The following MARCHF1 variants were observed in gnomAD, a reference collection of about 807,000 sequenced individuals.
MARCHF1 encodes E3 ubiquitin-protein ligase MARCHF1.
In MARCHF1, 40 loss-of-function variants were observed where a neutral mutation model predicts 54.2. That is an observed-to-expected ratio of 0.74 (90% CI 0.57 to 0.96). MARCHF1 has a LOEUF of 0.96. MARCHF1 is among the 40% of genes least tolerant of loss of function. The pLI is 0.00. For synonymous variants in MARCHF1, 236 were observed against 236.3 expected, an observed-to-expected ratio of 1.00 and a Z score of 0.01; for missense variants, 586 against 656.5, an observed-to-expected ratio of 0.89 and a Z score of 1.17.
chr4:164,378,505 G>C (rs993914163), intron 1 of MARCHF1, among the ~76,000 whole-genome samples: 5 of 152,220 alleles, frequency 3.3e-5, no homozygotes, highest in Admixed American at 2.6e-4. Context: ...TTGAGGGCCT[G>C]TGAATGCACC....
chr4:163,925,874 T>TA (rs1015659219), intron 3 of MARCHF1, among the ~76,000 whole-genome samples: 1 of 151,610 alleles, frequency 6.6e-6, no homozygotes, highest in Non-Finnish European at 1.5e-5. Flanking sequence ...AATTCTGGTA[T>TA]AAAAAATGAA....
Position 164,248,132 on chromosome 4 carries a change from G to T in MARCHF1, c.-323+135738C>A, listed in dbSNP as rs549488643. On this transcript the variant is annotated intron_variant, in intron 1 of 9. Coordinates refer to ENST00000514618, the MANE Select transcript of MARCHF1 (RefSeq NM_001394959.1). Reference sequence around the variant, plus strand: ...AATTAGGACCTATATTATACCTGAAGTACTCCTCCATGTATCAAATTGCAA... The same window carrying T: ...AATTAGGACCTATATTATACCTGAATTACTCCTCCATGTATCAAATTGCAA... Among the ~76,000 whole-genome samples, 6 of 151,910 alleles carry T rather than the reference G, an allele frequency of 3.9e-5. No individual in the cohort carries two copies. The South Asian group carries it at 1.2e-3, about 32-fold the overall frequency.
In MARCHF1 at chr4:164,159,231, T is replaced by C. The variant is rs148442295; in HGVS notation, c.-322-47569A>G. Among the ~76,000 whole-genome samples the C allele has an allele frequency of 1.4e-4, 22 of 152,292 alleles. No homozygotes were observed. The East Asian group carries it at 3.3e-3, about 23-fold the overall frequency. ...ATGCTAAAACGTGCTAACTTGAAAC[T>C]GTTGGGCATATACATTCATACAAAT... On this transcript the variant is annotated intron_variant, in intron 1 of 9. Coordinates refer to ENST00000514618, the MANE Select transcript of MARCHF1 (RefSeq NM_001394959.1).
At chr4:164,007,040 CA>C (rs1233508320) in intron 2 of MARCHF1, among the ~76,000 whole-genome samples, 1 of 59,952 alleles carries the variant, frequency 1.7e-5, no homozygotes, top group African/African-American at 6.0e-5. Flanking sequence ...AAAGAACATG[CA>C]AAAAGAAAAC....
At chr4:163,888,435 T>C (rs1457374162) in intron 3 of MARCHF1, among the ~76,000 whole-genome samples, 1 of 152,194 alleles carries the variant, frequency 6.6e-6, no homozygotes, top group African/African-American at 2.4e-5. Context: ...GAAGAAAATA[T>C]AATTTCAACA....
chr4:163,913,280 T>C (rs1162915151), intron 3 of MARCHF1, among the ~76,000 whole-genome samples: 1 of 152,178 alleles, frequency 6.6e-6, no homozygotes, highest in Non-Finnish European at 1.5e-5. Flanking sequence ...TCAAATTCTC[T>C]ATTTTTGGTG....
chr4:164,362,794 C>A lies in MARCHF1; in HGVS notation c.-323+21076G>T, dbSNP rs536775375. ...CTAGAAACTCATTTACAAATAGTAT[C>A]ATCTATAAATAGATGTTCCTCTGTT... On this transcript the variant is annotated intron_variant, in intron 1 of 9. Coordinates refer to ENST00000514618, the MANE Select transcript of MARCHF1 (RefSeq NM_001394959.1). Among the ~76,000 whole-genome samples, 12 of 152,202 alleles carry A rather than the reference C, an allele frequency of 7.9e-5. No individual in the cohort carries two copies. The South Asian group carries it at 2.3e-3, about 29-fold the overall frequency.
chr4:164,358,112 T>A (rs1232063084), intron 1 of MARCHF1, among the ~76,000 whole-genome samples: 1 of 152,144 alleles, frequency 6.6e-6, no homozygotes, highest in Non-Finnish European at 1.5e-5. Flanking sequence ...AGAGCTTACA[T>A]TAATCAGTCC....
chr4:164,185,066 T>C (rs947985584), intron 1 of MARCHF1, among the ~76,000 whole-genome samples: 1 of 152,216 alleles, frequency 6.6e-6, no homozygotes. Context: ...AAAATGTGCA[T>C]TAACAATATA....
At chr4:163,900,681 G>A (rs1750920684) in intron 3 of MARCHF1, among the ~76,000 whole-genome samples, 1 of 152,040 alleles carries the variant, frequency 6.6e-6, no homozygotes, top group South Asian at 2.1e-4. Context: ...GTTTCCGCTG[G>A]CATGGATGAA....
At chr4:164,164,329 AC>A (rs1730314664) in intron 1 of MARCHF1, among the ~76,000 whole-genome samples, 1 of 151,916 alleles carries the variant, frequency 6.6e-6, no homozygotes, top group South Asian at 2.1e-4. Flanking sequence ...ATATAGATAA[AC>A]CTTTGTCCAG....
chr4:164,358,473 A>G (rs1478429217), intron 1 of MARCHF1, among the ~76,000 whole-genome samples: 5 of 152,212 alleles, frequency 3.3e-5, no homozygotes, highest in African/African-American at 9.6e-5. Context: ...CAGAATTGCA[A>G]GAATTTCAAA....
intron 1 of MARCHF1, among the ~76,000 whole-genome samples, chr4:164,228,130 C>T (rs1292896420): frequency 6.6e-6 from 1 of 152,104 alleles, no homozygotes; most frequent in Admixed American, 6.6e-5. Flanking sequence ...ATGATACTGA[C>T]GATGTTGGTG....
At chr4:164,063,499 G>A (rs1754664188) in intron 2 of MARCHF1, among the ~76,000 whole-genome samples, 1 of 152,130 alleles carries the variant, frequency 6.6e-6, no homozygotes, top group Non-Finnish European at 1.5e-5. Flanking sequence ...GCATCAAACT[G>A]CTTAAATTCA....
intron 1 of MARCHF1, among the ~76,000 whole-genome samples, chr4:164,290,629 G>C (rs1408860395): frequency 6.6e-6 from 1 of 151,688 alleles, no homozygotes; most frequent in Non-Finnish European, 1.5e-5. Flanking sequence ...GCATTAAGTG[G>C]GAATTTCAAT....
intron 2 of MARCHF1, among the ~76,000 whole-genome samples, chr4:164,105,698 C>A (rs74494760): frequency 1.1e-5 from 1 of 89,790 alleles, no homozygotes; most frequent in South Asian, 3.2e-4. Context: ...TCAGGACATA[C>A]GCATGGGCAA....
intron 2 of MARCHF1, among the ~76,000 whole-genome samples, chr4:164,092,933 A>G (rs1370877688): frequency 1.3e-5 from 2 of 152,140 alleles, no homozygotes; most frequent in Non-Finnish European, 2.9e-5. Context: ...ACTTAGATCA[A>G]TCCTATGAAT....
At chr4:164,282,313 A>G (rs1446956842) in intron 1 of MARCHF1, among the ~76,000 whole-genome samples, 1 of 150,882 alleles carries the variant, frequency 6.6e-6, no homozygotes, top group Non-Finnish European at 1.5e-5. Flanking sequence ...TTTGATTTAC[A>G]AACAACTGTG....
chr4:163,988,798 G>A (rs1183308450), intron 2 of MARCHF1, 89 bp from the exon 3 acceptor site: 1 of 152,214 alleles, frequency 6.6e-6, no homozygotes, highest in Non-Finnish European at 1.5e-5. Context: ...ATTGAAAGGG[G>A]AGTTAAAAGA....
Sources: gnomAD v4.1 joint callset for allele counts (sites outside exome capture counted in the v4.1 genomes callset) on GRCh38, gnomAD v4.1.1 for gene constraint, MANE v1.5 for transcripts, NCBI Gene and HGNC (gene_info 2026-07-23, HGNC 2026-07-21) for gene names.